Variants in PTPRT observed in about 807,000 individuals in gnomAD.
PTPRT encodes the protein protein tyrosine phosphatase receptor type T.
PTPRT carries 56 observed loss-of-function variants against 176.8 expected under a neutral mutation model. That is an observed-to-expected ratio of 0.32 (90% confidence interval 0.26 to 0.40). The LOEUF is 0.40. PTPRT is among the 10% of genes least tolerant of loss of function. The pLI, the probability that PTPRT is intolerant of heterozygous loss-of-function variation, is 1.00. For synonymous variants in PTPRT, 783 were observed against 739.0 expected, an observed-to-expected ratio of 1.06 and a Z score of -0.96; for missense variants, 1,540 against 1,908.2, an observed-to-expected ratio of 0.81 and a Z score of 3.60.
chr20:42,858,066 A>C (rs1407559363), intron 2 of PTPRT, among the ~76,000 whole-genome samples: 1 of 152,160 alleles, frequency 6.6e-6, no homozygotes, highest in Non-Finnish European at 1.5e-5. Flanking sequence ...ATGTTTGTTG[A>C]ATTCATGAAT....
intron 2 of PTPRT, among the ~76,000 whole-genome samples, chr20:42,860,006 TTAAA>T (rs1178354846): frequency 6.6e-6 from 1 of 152,166 alleles, no homozygotes; most frequent in Non-Finnish European, 1.5e-5. Context: ...CTCCCCAAAA[TTAAA>T]TATTTATTTA....
rs565979091 is a variant in PTPRT, at chr20:42,079,548, T to G, written c.*1331A>C. ...AATGTCCTATGGAAAGTGCCAAGCA[T>G]GATCCCTGGCATACAGTAGAGACTT... On this transcript the variant is annotated 3_prime_UTR_variant, in exon 31 of 31. Transcript: ENST00000373187. 9 of 223,500 alleles carry G rather than the reference T, an allele frequency of 4.0e-5. No homozygotes were observed. The highest frequency in any genetic ancestry group is 1.6e-4 in the African/African-American group (7 of 44,912). 13.8% of individuals were successfully genotyped at this position (223,500 alleles called of 1,614,324 possible).
At chr20:42,959,924 T>TA (rs1981891507) in intron 1 of PTPRT, among the ~76,000 whole-genome samples, 1 of 152,142 alleles carries the variant, frequency 6.6e-6, no homozygotes, top group Admixed American at 6.5e-5. Flanking sequence ...ACTCACTCCT[T>TA]ACCAGGGACC....
At chr20:42,336,635 A>AT in intron 11 of PTPRT, among the ~76,000 whole-genome samples, 1 of 152,114 alleles carries the variant, frequency 6.6e-6, no homozygotes, top group Non-Finnish European at 1.5e-5. Flanking sequence ...ATTCCTGGGG[A>AT]TTTTTGCTAT....
At chr20:43,057,290 A>AGGGGAGGGGGGAAGGAAGGGAG in intron 1 of PTPRT, among the ~76,000 whole-genome samples, 1 of 70,482 alleles carries the variant, frequency 1.4e-5, no homozygotes, top group Admixed American at 1.9e-4. Context: ...GGGGAAGGGG[A>AGGGGAGGGGGGAAGGAAGGGAG]GGGGAGGGGG....
chr20:42,869,296 G>A (rs1156939590), intron 2 of PTPRT, among the ~76,000 whole-genome samples: 2 of 152,136 alleles, frequency 1.3e-5, no homozygotes, highest in Non-Finnish European at 2.9e-5. Context: ...CTGGGAGAGA[G>A]ACAGGCACCC....
intron 7 of PTPRT, among the ~76,000 whole-genome samples, chr20:42,658,189 T>C (rs2075161016): frequency 6.6e-6 from 1 of 152,190 alleles, no homozygotes; most frequent in Admixed American, 6.5e-5. Flanking sequence ...ACAATGCTTT[T>C]GTCAAATGAT....
At chr20:42,502,524 A>G (rs1377616360) in intron 7 of PTPRT, among the ~76,000 whole-genome samples, 1 of 151,980 alleles carries the variant, frequency 6.6e-6, no homozygotes, top group African/African-American at 2.4e-5. Context: ...GAAGAATATC[A>G]CATATATTCT....
At chr20:42,929,077 G>A (rs1180064601) in intron 1 of PTPRT, among the ~76,000 whole-genome samples, 2 of 152,238 alleles carry the variant, frequency 1.3e-5, no homozygotes, top group Non-Finnish European at 2.9e-5. Context: ...AGGTAAGACA[G>A]TAAGTCACCA....
At chr20:42,197,041 A>G (rs1325012394) in intron 16 of PTPRT, among the ~76,000 whole-genome samples, 3 of 152,184 alleles carry the variant, frequency 2.0e-5, no homozygotes, top group African/African-American at 7.2e-5. Context: ...AATTAGACAA[A>G]TCTGGATTGT....
At chr20:42,352,975 T>C (rs1249935844) in intron 9 of PTPRT, among the ~76,000 whole-genome samples, 2 of 152,254 alleles carry the variant, frequency 1.3e-5, no homozygotes, top group Non-Finnish European at 2.9e-5. Context: ...ACAACACATC[T>C]TGTTGAACCC....
intron 4 of PTPRT, 94 bp downstream of exon 4, chr20:42,780,124 G>A: frequency 9.9e-7 from 1 of 1,011,000 alleles, no homozygotes; most frequent in Non-Finnish European, 1.6e-6. Context: ...AGTGAGAGAT[G>A]TTTGTAAGCT....
At chr20:43,023,040 T>A (rs1042750751) in intron 1 of PTPRT, among the ~76,000 whole-genome samples, 1 of 152,188 alleles carries the variant, frequency 6.6e-6, no homozygotes, top group African/African-American at 2.4e-5. Flanking sequence ...GCCTATCTCT[T>A]CTGAAAGAAG....
the PTPRT span, among the ~76,000 whole-genome samples, chr20:42,067,724 C>T: frequency 6.6e-6 from 1 of 152,118 alleles, no homozygotes; most frequent in Non-Finnish European, 1.5e-5. Flanking sequence ...CACTTTACAT[C>T]AAGTCCATTT....
chr20:42,948,819 C>T (rs1048516478), intron 1 of PTPRT, among the ~76,000 whole-genome samples: 9 of 152,322 alleles, frequency 5.9e-5, no homozygotes, highest in East Asian at 5.8e-4. Context: ...CCAGCTAGAG[C>T]GATGACTGCC....
intron 12 of PTPRT, among the ~76,000 whole-genome samples, chr20:42,288,238 G>C (rs2057263195): frequency 6.6e-6 from 1 of 151,928 alleles, no homozygotes; most frequent in African/African-American, 2.4e-5. Flanking sequence ...TTTCCCTCAT[G>C]CTTCTTCTGG....
chr20:42,452,346 T>C (rs953850297), intron 8 of PTPRT, among the ~76,000 whole-genome samples: 2 of 151,940 alleles, frequency 1.3e-5, no homozygotes, highest in Admixed American at 6.6e-5. Flanking sequence ...GGTAGGGTCC[T>C]GAAAGCAAGA....
At chr20:42,041,062 G>A in the PTPRT span, among the ~76,000 whole-genome samples, 1 of 152,174 alleles carries the variant, frequency 6.6e-6, no homozygotes, top group Non-Finnish European at 1.5e-5. Flanking sequence ...AGGACTCCTA[G>A]CTTCTAGTAC....
At chr20:42,986,383 G>C (rs1212214456) in intron 1 of PTPRT, among the ~76,000 whole-genome samples, 1 of 152,146 alleles carries the variant, frequency 6.6e-6, no homozygotes, top group Admixed American at 6.5e-5. Context: ...TCCATTTTAG[G>C]ACGACCAGCG....
Sources: gnomAD v4.1 joint callset for allele counts (sites outside exome capture counted in the v4.1 genomes callset) on GRCh38, gnomAD v4.1.1 for gene constraint, MANE v1.5 for transcripts, NCBI Gene and HGNC (gene_info 2026-07-23, HGNC 2026-07-21) for gene names.